Variants in UGT2A1 observed in about 807,000 individuals in gnomAD.
The protein encoded by UGT2A1 is UDP glucuronosyltransferase family 2 member A1 complex locus.
UGT2A1 carries 61 observed loss-of-function variants against 45.4 expected under a neutral mutation model. That is an observed-to-expected ratio of 1.34 (90% CI 1.09 to 1.66). The LOEUF is 1.66. Ranked by LOEUF, UGT2A1 falls within the 40% of genes most tolerant of loss-of-function variation. The pLI, the probability that UGT2A1 is intolerant of heterozygous loss-of-function variation, is 0.00. For synonymous variants in UGT2A1, 229 were observed against 196.2 expected (o/e 1.17, Z -1.40); for missense variants, 649 against 574.3 (o/e 1.13, Z -1.33).
Position 69,635,742 on chromosome 4 carries a change from G to T in UGT2A1, c.796C>A (p.Arg266=). ...CAATGGAGGCTGAGGCGGGAGAATC[G>T]CTTGAACCCGGGAAGCAGAGGTTGC... ...SLQPLLPGFK[R]FSRLSLHCSW... Residue 266 remains arginine (R), a synonymous_variant, in exon 3 of 7, where the codon CGA becomes AGA. Coordinates refer to ENST00000286604, the MANE Select transcript of UGT2A1 (RefSeq NM_001252275.3). 4.2e-6 allele frequency: 1 copy of T among 236,980 alleles called. No individual in the cohort carries two copies. Among genetic ancestry groups the T allele is most frequent in the Non-Finnish European group, 8.7e-6 (1 of 114,906 alleles). 14.7% of individuals were successfully genotyped at this position (236,980 alleles called of 1,614,324 possible). A position where few individuals can be genotyped will look rare whatever the true frequency, so the allele number is the denominator to read the frequency against.
chr4:69,595,199 A>T lies in UGT2A1; in HGVS notation c.1047T>A (p.Thr349=). 1 of 1,613,848 alleles carries T rather than the reference A, an allele frequency of 6.2e-7. No homozygotes were observed. The part of the protein sequence containing the change: ...GKKPATLGNN[T]QLFDWIPQND... ...TCTGGGGTATCCAATCAAAGAGCTG[A>T]GTATTGTTTCCTAATGTGGCTGGTT... is the stretch of plus-strand genomic sequence containing the variant. Residue 349 remains threonine, a synonymous_variant, in exon 5 of 7, where the codon ACT becomes ACA. Coordinates refer to ENST00000286604, the MANE Select transcript of UGT2A1 (RefSeq NM_001252275.3).
chr4:69,589,201 G>T lies in UGT2A1; in HGVS notation c.*171C>A. On this transcript the variant is annotated 3_prime_UTR_variant, in exon 7 of 7. Coordinates refer to ENST00000286604, the MANE Select transcript of UGT2A1 (RefSeq NM_001252275.3). Reference sequence around the variant, plus strand: ...TAACTCACAAGTTAATAATAATCATGCCAAAATCTAGGCTTTATCAGTAGG... The same window carrying T: ...TAACTCACAAGTTAATAATAATCATTCCAAAATCTAGGCTTTATCAGTAGG... 1.2e-6 allele frequency: 1 copy of T among 831,666 alleles called. No homozygotes were observed. The highest frequency in any genetic ancestry group is 1.7e-6 in the Non-Finnish European group (1 of 587,682). The allele number at this position is 831,666 out of a possible 1,614,324, so 51.5% of individuals were successfully genotyped here.
chr4:69,602,124 T>A (rs1233759254), intron 3 of UGT2A1, among the ~76,000 whole-genome samples: 2 of 136,810 alleles, frequency 1.5e-5, no homozygotes, highest in Non-Finnish European at 3.1e-5. Flanking sequence ...GGACTCATTA[T>A]AGTAATGAAA....
At chr4:69,637,734 G>A (rs1462284728) in intron 2 of UGT2A1, among the ~76,000 whole-genome samples, 1 of 152,100 alleles carries the variant, frequency 6.6e-6, no homozygotes, top group East Asian at 1.9e-4. Flanking sequence ...CTCCTCTCAT[G>A]AGAATGTAAG....
intron 3 of UGT2A1, among the ~76,000 whole-genome samples, chr4:69,609,006 A>C (rs1294371548): frequency 6.6e-6 from 1 of 152,074 alleles, no homozygotes; most frequent in East Asian, 1.9e-4. Flanking sequence ...GAAAAATTAT[A>C]AAGAGTATGA....
intron 2 of UGT2A1, among the ~76,000 whole-genome samples, chr4:69,644,894 A>G (rs1367910469): frequency 6.6e-6 from 1 of 151,862 alleles, no homozygotes; most frequent in Non-Finnish European, 1.5e-5. Flanking sequence ...TGATTGATAC[A>G]TATCAACTTT....
At chr4:69,634,964 C>G (rs1721592740) in intron 3 of UGT2A1, among the ~76,000 whole-genome samples, 1 of 152,056 alleles carries the variant, frequency 6.6e-6, no homozygotes, top group South Asian at 2.1e-4. Context: ...AACATTAGTT[C>G]TAAGAATCCA....
Position 69,638,853 on chromosome 4 carries a change from A to G in UGT2A1, c.716-3031T>C, listed in dbSNP as rs112214956. The G allele has an allele frequency of 4.7e-6, 7 of 1,476,154 alleles. No homozygotes were observed. In the African/African-American group the frequency reaches 9.9e-5, roughly 21 times the overall value. 91.4% of individuals were successfully genotyped at this position (1,476,154 alleles called of 1,614,324 possible). On this transcript the variant is annotated intron_variant, in intron 2 of 6. Coordinates refer to ENST00000286604, the MANE Select transcript of UGT2A1 (RefSeq NM_001252275.3). ...TCGTTTGCCATATGACAATAAGAAT[A>G]AATAAGGGATGTGGAGTCATTAAAA...
chr4:69,639,350 C>T, intron 2 of UGT2A1: 1 of 1,613,688 alleles, frequency 6.2e-7, no homozygotes, highest in South Asian at 1.1e-5. Context: ...TTATCATATG[C>T]TCAATTAAGG....
chr4:69,593,983 T>C (rs917192158), intron 6 of UGT2A1, among the ~76,000 whole-genome samples: 1 of 148,246 alleles, frequency 6.7e-6, no homozygotes, highest in African/African-American at 2.5e-5. Context: ...TTTTGTTTGT[T>C]TTTTTTTTTG....
chr4:69,634,582 G>T (rs1721573261), intron 3 of UGT2A1, among the ~76,000 whole-genome samples: 1 of 151,870 alleles, frequency 6.6e-6, no homozygotes, highest in Admixed American at 6.6e-5. Flanking sequence ...GTTAATTGGG[G>T]TTTATTCCAA....
rs115660996 is a variant in UGT2A1, at chr4:69,636,778, T to G, written c.716-956A>C. Among the ~76,000 whole-genome samples the G allele has an allele frequency of 5.9e-3, 903 of 152,280 alleles. 9 individuals are homozygous for G. Among genetic ancestry groups the G allele is most frequent in the African/African-American group, 0.021 (873 of 41,568 alleles). ...CATTTAATATAAGTATAATTCTTTA[T>G]AGTTGACATGGAATAGCCACATATG... On this transcript the variant is annotated intron_variant, in intron 2 of 6. Coordinates refer to ENST00000286604, the MANE Select transcript of UGT2A1 (RefSeq NM_001252275.3).
intron 3 of UGT2A1, among the ~76,000 whole-genome samples, chr4:69,618,043 A>T (rs1720501798): frequency 6.6e-6 from 1 of 152,044 alleles, no homozygotes; most frequent in South Asian, 2.1e-4. Flanking sequence ...TATTTGTTTG[A>T]CATCATTTAA....
intron 2 of UGT2A1, among the ~76,000 whole-genome samples, chr4:69,643,912 A>G (rs1486297684): frequency 6.6e-6 from 1 of 151,620 alleles, no homozygotes; most frequent in African/African-American, 2.4e-5. Context: ...ATTCTCCTTT[A>G]TCATTCTACA....
At chr4:69,618,209 G>GTATGTT (rs767771388) in intron 3 of UGT2A1, among the ~76,000 whole-genome samples, 14,949 of 109,334 alleles carry the variant, frequency 0.14, 937 homozygotes, top group African/African-American at 0.21. Flanking sequence ...GTGTGTGTGT[G>GTATGTT]TGTGTGTATG....
intron 2 of UGT2A1, among the ~76,000 whole-genome samples, chr4:69,643,183 A>C (rs749914409): frequency 3.3e-5 from 5 of 151,572 alleles, no homozygotes; most frequent in Admixed American, 1.3e-4. Context: ...CTGGTGATAC[A>C]ATGGCCCAAT....
chr4:69,591,331 G>T (rs749650669), intron 6 of UGT2A1, among the ~76,000 whole-genome samples: 3 of 152,148 alleles, frequency 2.0e-5, no homozygotes, highest in Non-Finnish European at 2.9e-5. Context: ...GTTTGGTTTA[G>T]AAAGGTGGGA....
In UGT2A1 at chr4:69,605,113, T is replaced by A. The variant is rs1024076585; in HGVS notation, c.848-5719A>T. ...AATTATCCACCCCAAATCAACAGAA[T>A]ATACATTCTTCTCAGCACCACACCG... On this transcript the variant is annotated intron_variant, in intron 3 of 6. Coordinates refer to ENST00000286604, the MANE Select transcript of UGT2A1 (RefSeq NM_001252275.3). 8.0e-5 allele frequency among the ~76,000 whole-genome samples: 11 copies of A among 136,972 alleles called. 3 individuals are homozygous for A. The highest frequency in any genetic ancestry group is 1.7e-4 in the Non-Finnish European group (11 of 64,356). 89.9% of individuals were successfully genotyped at this position (136,972 alleles called of 152,430 possible).
At chr4:69,610,008 T>A (rs1420741524) in intron 3 of UGT2A1, among the ~76,000 whole-genome samples, 3 of 152,166 alleles carry the variant, frequency 2.0e-5, no homozygotes, top group African/African-American at 7.2e-5. Context: ...AACATATAAC[T>A]AGCAGACCTA....
Sources: allele counts gnomAD v4.1 joint callset (sites outside exome capture counted in the v4.1 genomes callset), GRCh38; gene constraint gnomAD v4.1.1; transcripts MANE v1.5; gene names NCBI Gene and HGNC (gene_info 2026-07-23, HGNC 2026-07-21).